Variants in FMNL2 observed in about 807,000 individuals in gnomAD.
The protein encoded by FMNL2 is formin like 2.
In FMNL2, 51 loss-of-function variants were observed where a neutral mutation model predicts 130.2. The ratio of observed to expected loss-of-function variants is 0.39; its 90% CI spans 0.31 to 0.49. FMNL2 has a LOEUF of 0.49. FMNL2 is among the 20% of genes least tolerant of loss of function. The pLI is 0.85. For synonymous variants in FMNL2, 465 were observed against 467.1 expected (o/e 1.00, Z 0.06); for missense variants, 977 against 1,316.2 (o/e 0.74, Z 3.99).
chr2:152,593,930 A>C (rs912657089), intron 9 of FMNL2, among the ~76,000 whole-genome samples: 1 of 150,714 alleles, frequency 6.6e-6, no homozygotes, highest in Non-Finnish European at 1.5e-5. Flanking sequence ...AGAGAGAGCG[A>C]GAGAGAGCCA....
chr2:152,455,073 G>C (rs76253556), intron 1 of FMNL2, among the ~76,000 whole-genome samples: 1,894 of 152,310 alleles, frequency 0.012, 15 homozygotes, highest in Non-Finnish European at 0.023. Context: ...GATGTTCAAA[G>C]CTGGCCTCAG....
intron 2 of FMNL2, among the ~76,000 whole-genome samples, chr2:152,536,460 T>A (rs556139350): frequency 1.3e-5 from 2 of 152,330 alleles, no homozygotes; most frequent in South Asian, 4.1e-4. Flanking sequence ...TTGGAAAGGA[T>A]GCCCAACTAC....
At chr2:152,552,671 T>TG (rs1695004144) in intron 4 of FMNL2, among the ~76,000 whole-genome samples, 1 of 152,214 alleles carries the variant, frequency 6.6e-6, no homozygotes, top group Non-Finnish European at 1.5e-5. Flanking sequence ...TCTTAGGAAC[T>TG]ATAATAATAG....
rs181009234 is a variant in FMNL2, at chr2:152,473,521, G to T, written c.118-48422G>T. On this transcript the variant is annotated intron_variant, in intron 1 of 25. Transcript: ENST00000288670. ...GTTTTTCATGGTCCACTTATTTTTA[G>T]TGTACTGAGATGGTCTAATACACAA... 2.7e-3 allele frequency among the ~76,000 whole-genome samples: 412 copies of T among 152,256 alleles called. 3 individuals carry two copies. Among genetic ancestry groups the T allele is most frequent in the Non-Finnish European group, 4.6e-3 (315 of 68,004 alleles).
chr2:152,375,875 C>CTATATATATATATATATATA (rs71394478), intron 1 of FMNL2, among the ~76,000 whole-genome samples: 60 of 112,784 alleles, frequency 5.3e-4, no homozygotes, highest in Non-Finnish European at 8.7e-4. Context: ...CTCTCTCTCT[C>CTATATATATATATATATATA]TCTATATATA....
Position 152,549,026 on chromosome 2 carries a change from C to T in FMNL2, c.288C>T (p.Phe96=). 1 of 1,598,210 alleles carries T rather than the reference C, an allele frequency of 6.3e-7. No individual in the cohort carries two copies. The highest frequency in any genetic ancestry group is 1.7e-4 in the Middle Eastern group (1 of 5,994). ...TATGTGTTCTTGAATTATAGAAATT[C>T]AGACGGCGTGTTCAAGAATCTACAC... The part of the protein sequence containing the change: ...YLDPAVTRKK[F]RRRVQESTQV... Residue 96 remains phenylalanine (F), a synonymous_variant, in exon 4 of 26, where the codon TTC becomes TTT. Coordinates refer to ENST00000288670, the MANE Select transcript of FMNL2 (RefSeq NM_052905.4).
intron 1 of FMNL2, among the ~76,000 whole-genome samples, chr2:152,349,716 A>G (rs1222654119): frequency 1.3e-5 from 2 of 150,874 alleles, no homozygotes; most frequent in African/African-American, 4.9e-5. Context: ...AGATGTAGAT[A>G]TGCTAAGGGT....
At chr2:152,338,568 G>A (rs1339061521) in intron 1 of FMNL2, among the ~76,000 whole-genome samples, 3 of 152,042 alleles carry the variant, frequency 2.0e-5, no homozygotes. Flanking sequence ...GAGAATAAAA[G>A]ACTAATGAAT....
Position 152,494,393 on chromosome 2 carries a change from G to A in FMNL2, c.118-27550G>A, listed in dbSNP as rs533397056. Among the ~76,000 whole-genome samples, 36 of 152,288 alleles carry A rather than the reference G, an allele frequency of 2.4e-4. 2 individuals carry two copies. The South Asian group carries it at 7.0e-3, about 30-fold the overall frequency. ...ATTCAGAAGGAGTCTCATTGTAAAA[G>A]AAGGATTATAAACTACACAAAGAGC... On this transcript the variant is annotated intron_variant, in intron 1 of 25. Transcript: ENST00000288670.
At chr2:152,588,517 C>G (rs894788204) in intron 9 of FMNL2, among the ~76,000 whole-genome samples, 1 of 152,054 alleles carries the variant, frequency 6.6e-6, no homozygotes, top group Non-Finnish European at 1.5e-5. Flanking sequence ...GGGAGATTAT[C>G]TTTTTATTGT....
At chr2:152,344,150 TAAAACA>T (rs770051942) in intron 1 of FMNL2, among the ~76,000 whole-genome samples, 43 of 152,218 alleles carry the variant, frequency 2.8e-4, no homozygotes, top group Admixed American at 1.7e-3. Flanking sequence ...AGACTATCTC[TAAAACA>T]AAAACAAAAA....
At chr2:152,514,905 T>G (rs777527834) in intron 1 of FMNL2, among the ~76,000 whole-genome samples, 4 of 152,128 alleles carry the variant, frequency 2.6e-5, no homozygotes, top group Non-Finnish European at 5.9e-5. Context: ...CGAATTTAAT[T>G]TTGCCCAAAC....
chr2:152,542,134 A>G (rs1413267213), intron 2 of FMNL2, among the ~76,000 whole-genome samples: 2 of 152,166 alleles, frequency 1.3e-5, no homozygotes, highest in African/African-American at 2.4e-5. Context: ...GCCTTTGCTC[A>G]GGATACTTTT....
intron 1 of FMNL2, among the ~76,000 whole-genome samples, chr2:152,382,046 G>A (rs1433977027): frequency 6.6e-6 from 1 of 152,086 alleles, no homozygotes; most frequent in East Asian, 1.9e-4. Flanking sequence ...TGATTTGCCC[G>A]CCTCAGCCTC....
Position 152,632,138 on chromosome 2 carries a change from G to C in FMNL2, c.2680+1G>C. On this transcript the variant is annotated splice_donor_variant, in intron 21 of 25. Coordinates refer to ENST00000288670, the MANE Select transcript of FMNL2 (RefSeq NM_052905.4). LOFTEE classifies it high-confidence loss of function. ...CATTATGTGGAAAAAGCTGCTGCAG[G>C]TACTTGATTTCAGCTATTACCGTTC... 1 of 1,608,550 alleles carries C rather than the reference G, an allele frequency of 6.2e-7. No homozygotes were observed. Among genetic ancestry groups the C allele is most frequent in the Non-Finnish European group, 8.5e-7 (1 of 1,177,672 alleles).
At chr2:152,562,400 G>T (rs1695583025) in intron 6 of FMNL2, among the ~76,000 whole-genome samples, 1 of 152,232 alleles carries the variant, frequency 6.6e-6, no homozygotes, top group Non-Finnish European at 1.5e-5. Flanking sequence ...ATTGCAGCCA[G>T]TGAATATGTG....
Position 152,619,034 on chromosome 2 carries a change from A to G in FMNL2, c.1503A>G (p.Thr501=), listed in dbSNP as rs377159417. ...TACTGCCAGTTGTGGCTTCTGGCAC[A>G]TTGTCCATGGGGTCAGAAGTGGTAG... ...IAILPVVASG[T]LSMGSEVVAG... The change falls in exon 14 of 26, where the codon ACA becomes ACG. Residue 501 remains threonine (T), a synonymous_variant. Coordinates refer to ENST00000288670, the MANE Select transcript of FMNL2 (RefSeq NM_052905.4). 6.8e-6 allele frequency: 11 copies of G among 1,614,058 alleles called. No individual in the cohort carries two copies. The highest frequency in any genetic ancestry group is 9.3e-6 in the Non-Finnish European group (11 of 1,179,902).
intron 3 of FMNL2, among the ~76,000 whole-genome samples, chr2:152,547,200 C>A (rs1694693948): frequency 6.6e-6 from 1 of 152,172 alleles, no homozygotes; most frequent in Non-Finnish European, 1.5e-5. Context: ...ACCTTGGCCT[C>A]TCAAAGTGCT....
intron 9 of FMNL2, among the ~76,000 whole-genome samples, chr2:152,582,574 A>G (rs1472793782): frequency 6.6e-6 from 1 of 152,228 alleles, no homozygotes; most frequent in Non-Finnish European, 1.5e-5. Flanking sequence ...ATAATAGTGA[A>G]TCTTTAAATT....
Sources: allele counts gnomAD v4.1 joint callset (sites outside exome capture counted in the v4.1 genomes callset), GRCh38; gene constraint gnomAD v4.1.1; transcripts MANE v1.5; gene names NCBI Gene and HGNC (gene_info 2026-07-23, HGNC 2026-07-21).